Variants in FOXL2NB observed in about 807,000 individuals in gnomAD.
FOXL2NB encodes FOXL2 neighbor, also known as FOXL2 neighbor protein.
In FOXL2NB, 10 loss-of-function variants were observed where a neutral mutation model predicts 7.4. That is an observed-to-expected ratio of 1.34 (90% CI 0.83 to 2.28). The LOEUF (loss-of-function observed/expected upper bound fraction) is 2.28. Ranked by LOEUF, FOXL2NB falls within the 30% of genes most tolerant of loss-of-function variation. The pLI, the probability that FOXL2NB is intolerant of heterozygous loss-of-function variation, is 0.00. For synonymous variants in FOXL2NB, 104 were observed against 105.3 expected, an observed-to-expected ratio of 0.99 and a Z score of 0.08; for missense variants, 228 against 233.9, an observed-to-expected ratio of 0.97 and a Z score of 0.17.
In FOXL2NB at chr3:138,949,897, T is replaced by G; in HGVS notation, c.220+258T>G. The G allele has an allele frequency of 1.4e-6, 1 of 693,940 alleles. No individual in the cohort carries two copies. Among genetic ancestry groups the G allele is most frequent in the South Asian group, 1.5e-5 (1 of 66,758 alleles). 43.0% of individuals were successfully genotyped at this position (693,940 alleles called of 1,614,324 possible). ...GGGATCCTCTCTGAACAGGGCATAC[T>G]GTGCCTAGGTTTTGTGGACGCCAGG... On this transcript the variant is annotated intron_variant, in intron 2 of 2. Coordinates refer to ENST00000383165, the MANE Select transcript of FOXL2NB (RefSeq NM_001040061.3). The surrounding 1 kb of genome is among the most constrained non-coding windows in gnomAD (Gnocchi z 4.5).
At chr3:138,948,080 T>C (rs13064974) in intron 1 of FOXL2NB, 46,871 of 681,452 alleles carry the variant, frequency 0.069, 4,234 homozygotes, top group African/African-American at 0.37. Context: ...TTATGTAATA[T>C]GTTCATCAAG....
intron 2 of FOXL2NB, 30 bp from the exon 3 acceptor site, chr3:138,950,235 C>T (rs750537114): frequency 6.2e-7 from 1 of 1,607,692 alleles, no homozygotes; most frequent in Non-Finnish European, 8.5e-7. Flanking sequence ...GCAATCTACA[C>T]GGCTCTGATA....
chr3:138,950,812 G>A lies in FOXL2NB; in HGVS notation c.*240G>A. The A allele has an allele frequency of 1.8e-6, 1 of 555,064 alleles. No individual in the cohort carries two copies. Among genetic ancestry groups the A allele is most frequent in the Non-Finnish European group, 3.1e-6 (1 of 319,844 alleles). The allele number at this position is 555,064 out of a possible 1,614,324, so 34.4% of individuals were successfully genotyped here. ...TACTAATTCAGATTTTGCACATGTT[G>A]GTGGAAAACATGTCAAGCCAATGTG... is the stretch of plus-strand genomic sequence containing the variant. On this transcript the variant is annotated 3_prime_UTR_variant, in exon 3 of 3. Transcript: ENST00000383165.
In FOXL2NB at chr3:138,953,724, A is replaced by G. The variant is rs1936177415; in HGVS notation, c.*3152A>G. Among the ~76,000 whole-genome samples the G allele has an allele frequency of 6.6e-6, 1 of 151,414 alleles. No homozygotes were observed. The highest frequency in any genetic ancestry group is 2.1e-4 in the South Asian group (1 of 4,770). ...CCAATCAATATTGCCTCAAAAGGGA[A>G]ACCATATTTGGATTTCTATCACCAT... On this transcript the variant is annotated 3_prime_UTR_variant, in exon 3 of 3. Coordinates refer to ENST00000383165, the MANE Select transcript of FOXL2NB (RefSeq NM_001040061.3).
Position 138,947,570 on chromosome 3 carries a change from A to G in FOXL2NB, c.100+106A>G. On this transcript the variant is annotated intron_variant, in intron 1 of 2. Coordinates refer to ENST00000383165, the MANE Select transcript of FOXL2NB (RefSeq NM_001040061.3). The surrounding 1 kb of genome is among the most constrained non-coding windows in gnomAD (Gnocchi z 5.2). Reference sequence around the variant, plus strand: ...AGACGGCGAGGGGGCTGGACGGGGTAGGGTGGGGAGAGCTGCTCTGAGGCT... The same window carrying G: ...AGACGGCGAGGGGGCTGGACGGGGTGGGGTGGGGAGAGCTGCTCTGAGGCT... The G allele has an allele frequency of 7.8e-7, 1 of 1,280,742 alleles. No individual in the cohort carries two copies. 79.3% of individuals were successfully genotyped at this position (1,280,742 alleles called of 1,614,324 possible). A position where few individuals can be genotyped will look rare whatever the true frequency, so the allele number is the denominator to read the frequency against.
In FOXL2NB at chr3:138,949,403, T is replaced by TGC; in HGVS notation, c.101-116_101-115insCG. ...GTGTATGCATGTGCGTGTGTGTGTG[T>TGC]GTGTGTGTGTGTGTAGGGGTTGGGG... is the stretch of plus-strand genomic sequence containing the variant. On this transcript the variant is annotated intron_variant, in intron 1 of 2. Coordinates refer to ENST00000383165, the MANE Select transcript of FOXL2NB (RefSeq NM_001040061.3). This position sits in a 1 kb window ranked among gnomAD's most constrained non-coding sequence, Gnocchi z 4.5. 3 of 1,113,690 alleles carry TGC rather than the reference T, an allele frequency of 2.7e-6. No individual in the cohort carries two copies. Among genetic ancestry groups the TGC allele is most frequent in the South Asian group, 1.5e-5 (1 of 67,724 alleles). 69.0% of individuals were successfully genotyped at this position (1,113,690 alleles called of 1,614,324 possible).
In FOXL2NB at chr3:138,949,438, G is replaced by A; in HGVS notation, c.101-82G>A. The A allele has an allele frequency of 2.0e-6, 3 of 1,510,708 alleles. No homozygotes were observed. The highest frequency in any genetic ancestry group is 2.7e-6 in the Non-Finnish European group (3 of 1,105,206). The allele number at this position is 1,510,708 out of a possible 1,614,324, so 93.6% of individuals were successfully genotyped here. ...TGTGTAGGGGTTGGGGGCAAATGAAGGAGTTCCTCTGAAGGATTTTCAGAA... is the reference window on the plus strand; with the variant it reads ...TGTGTAGGGGTTGGGGGCAAATGAAAGAGTTCCTCTGAAGGATTTTCAGAA... On this transcript the variant is annotated intron_variant, in intron 1 of 2. Coordinates refer to ENST00000383165, the MANE Select transcript of FOXL2NB (RefSeq NM_001040061.3). This position sits in a 1 kb window ranked among gnomAD's most constrained non-coding sequence, Gnocchi z 4.5.
Position 138,949,391 on chromosome 3 carries a change from C to CGTGTGCGTGT in FOXL2NB, c.101-124_101-123insCGTGTGTGTG, listed in dbSNP as rs1553753220. 1 of 718,542 alleles carries CGTGTGCGTGT rather than the reference C, an allele frequency of 1.4e-6. No individual in the cohort carries two copies. Among genetic ancestry groups the CGTGTGCGTGT allele is most frequent in the Non-Finnish European group, 2.2e-6 (1 of 460,072 alleles). 44.5% of individuals were successfully genotyped at this position (718,542 alleles called of 1,614,324 possible). On this transcript the variant is annotated intron_variant, in intron 1 of 2. Transcript: ENST00000383165. The surrounding 1 kb of genome is among the most constrained non-coding windows in gnomAD (Gnocchi z 4.5). Reference sequence around the variant, plus strand: ...AAGAGCCTGTGTGTGTATGCATGTGCGTGTGTGTGTGTGTGTGTGTGTGTG... The same window carrying CGTGTGCGTGT: ...AAGAGCCTGTGTGTGTATGCATGTGCGTGTGCGTGTGTGTGTGTGTGTGTGTGTGTGTGTG...
chr3:138,949,461 G>A lies in FOXL2NB; in HGVS notation c.101-59G>A. The A allele has an allele frequency of 4.4e-6, 7 of 1,604,562 alleles. No homozygotes were observed. The highest frequency in any genetic ancestry group is 6.0e-6 in the Non-Finnish European group (7 of 1,174,598). ...AAGGAGTTCCTCTGAAGGATTTTCA[G>A]AATAGAAAGGAGTTCTGCTCTGAAA... is the stretch of plus-strand genomic sequence containing the variant. On this transcript the variant is annotated intron_variant, in intron 1 of 2. Transcript: ENST00000383165. The surrounding 1 kb of genome is among the most constrained non-coding windows in gnomAD (Gnocchi z 4.5).
rs60838328 is a variant in FOXL2NB, at chr3:138,951,000, A to G, written c.*428A>G. The G allele has an allele frequency of 0.12, 29,014 of 235,360 alleles. 4,327 individuals are homozygous for G. Among genetic ancestry groups the G allele is most frequent in the African/African-American group, 0.4 (16,649 of 41,962 alleles). The allele number at this position is 235,360 out of a possible 1,614,324, so 14.6% of individuals were successfully genotyped here. A position where few individuals can be genotyped will look rare whatever the true frequency, so the allele number is the denominator to read the frequency against. On this transcript the variant is annotated 3_prime_UTR_variant, in exon 3 of 3. Coordinates refer to ENST00000383165, the MANE Select transcript of FOXL2NB (RefSeq NM_001040061.3). ...GGGCTGCCACCTGGGTGTTTTCATG[A>G]TGGGACTGCCGCACAGACCACAGAG...
chr3:138,950,688 G>A lies in FOXL2NB; in HGVS notation c.*116G>A. The A allele has an allele frequency of 9.3e-7, 1 of 1,078,802 alleles. No individual in the cohort carries two copies. The highest frequency in any genetic ancestry group is 1.4e-6 in the Non-Finnish European group (1 of 728,320). 66.8% of individuals were successfully genotyped at this position (1,078,802 alleles called of 1,614,324 possible). ...CTCGGTGTCCCTCCACTCAGGTCAC[G>A]TTACTCCATCCACTTCTCTCTCCTT... On this transcript the variant is annotated 3_prime_UTR_variant, in exon 3 of 3. Coordinates refer to ENST00000383165, the MANE Select transcript of FOXL2NB (RefSeq NM_001040061.3).
In FOXL2NB at chr3:138,947,252, G is replaced by C. The variant is rs1936005447; in HGVS notation, c.-113G>C. ...CCAAGTCACTTTTTGTAAACGCCCCGCACAGCCTGGACCGGCCTGCCCCCG... is the reference window on the plus strand; with the variant it reads ...CCAAGTCACTTTTTGTAAACGCCCCCCACAGCCTGGACCGGCCTGCCCCCG... On this transcript the variant is annotated 5_prime_UTR_variant, in exon 1 of 3. Coordinates refer to ENST00000383165, the MANE Select transcript of FOXL2NB (RefSeq NM_001040061.3). This position sits in a 1 kb window ranked among gnomAD's most constrained non-coding sequence, Gnocchi z 5.2. The C allele has an allele frequency of 2.4e-6, 2 of 829,708 alleles. No individual in the cohort carries two copies. The highest frequency in any genetic ancestry group is 2.9e-5 in the Admixed American group (1 of 34,922). The allele number at this position is 829,708 out of a possible 1,614,324, so 51.4% of individuals were successfully genotyped here.
chr3:138,949,565 T>C lies in FOXL2NB; in HGVS notation c.146T>C (p.Leu49Pro), dbSNP rs1046823841. ...AAGAGGATGCCTGATGCGTGCACCC[T>C]GGGAAGGGCTGGAATCGGTCTCCCC... Reference protein sequence around the residue: ...VKKRMPDACTLGRAGIGLPKM... With the variant: ...VKKRMPDACTPGRAGIGLPKM... The change falls in exon 2 of 3, where the codon CTG becomes CCG. Residue 49 changes from leucine (L) to proline (P), a missense_variant. Leu to Pro is a moderately conservative substitution (Grantham distance 98, BLOSUM62 -3). Transcript: ENST00000383165. This position sits in a 1 kb window ranked among gnomAD's most constrained non-coding sequence, Gnocchi z 4.5. 15 of 1,614,030 alleles carry C rather than the reference T, an allele frequency of 9.3e-6. No homozygotes were observed. Among genetic ancestry groups the C allele is most frequent in the Non-Finnish European group, 1.2e-5 (14 of 1,180,024 alleles).
rs1024654231 is a variant in FOXL2NB at position 138,950,710 on chromosome 3, CCTT to C, written c.*141_*143del. On this transcript the variant is annotated 3_prime_UTR_variant, in exon 3 of 3. Coordinates refer to ENST00000383165, the MANE Select transcript of FOXL2NB (RefSeq NM_001040061.3). Reference sequence around the variant, plus strand: ...CACGTTACTCCATCCACTTCTCTCTCCTTCTCCCTCTGTCAACTCCAAATCCCC... The same window carrying C: ...CACGTTACTCCATCCACTTCTCTCTCCTCCCTCTGTCAACTCCAAATCCCC... 7 of 863,744 alleles carry C rather than the reference CCTT, an allele frequency of 8.1e-6. No homozygotes were observed. The highest frequency in any genetic ancestry group is 3.2e-5 in the South Asian group (2 of 63,310). The allele number at this position is 863,744 out of a possible 1,614,324, so 53.5% of individuals were successfully genotyped here.
Position 138,949,892 on chromosome 3 carries a change from C to A in FOXL2NB, c.220+253C>A. On this transcript the variant is annotated intron_variant, in intron 2 of 2. Transcript: ENST00000383165. The surrounding 1 kb of genome is among the most constrained non-coding windows in gnomAD (Gnocchi z 4.5). ...AGGTCGGGATCCTCTCTGAACAGGG[C>A]ATACTGTGCCTAGGTTTTGTGGACG... 1.4e-6 allele frequency: 1 copy of A among 694,996 alleles called. No individual in the cohort carries two copies. The highest frequency in any genetic ancestry group is 2.6e-6 in the Non-Finnish European group (1 of 382,750). 43.1% of individuals were successfully genotyped at this position (694,996 alleles called of 1,614,324 possible).
At chr3:138,950,151 T>C (rs745930635) in intron 2 of FOXL2NB, 114 bp from the exon 3 acceptor site, 6 of 1,141,840 alleles carry the variant, frequency 5.3e-6, no homozygotes. Context: ...GAACCGCCGA[T>C]TGAGCGCAGT....
At position 138,949,879 on chromosome 3, in the gene FOXL2NB, T is replaced by C; in HGVS notation, c.220+240T>C. 1 of 700,520 alleles carries C rather than the reference T, an allele frequency of 1.4e-6. No homozygotes were observed. Among genetic ancestry groups the C allele is most frequent in the South Asian group, 1.5e-5 (1 of 66,860 alleles). 43.4% of individuals were successfully genotyped at this position (700,520 alleles called of 1,614,324 possible). ...CTGGTTGCTGGCGAGGTCGGGATCC[T>C]CTCTGAACAGGGCATACTGTGCCTA... On this transcript the variant is annotated intron_variant, in intron 2 of 2. Transcript: ENST00000383165. The surrounding 1 kb of genome is among the most constrained non-coding windows in gnomAD (Gnocchi z 4.5).
chr3:138,948,113 G>A (rs1191076218), intron 1 of FOXL2NB: 1 of 401,750 alleles, frequency 2.5e-6, no homozygotes, highest in Non-Finnish European at 3.4e-6. Flanking sequence ...TGTAGCTGGT[G>A]GATATAGCAT....
At position 138,953,689 on chromosome 3, in the gene FOXL2NB, A is replaced by G. The variant is rs1049766175; in HGVS notation, c.*3117A>G. ...TTCTGGCACTTCAGAAGGTTCCTTC[A>G]TATCTTTTTCCAATCAATATTGCCT... On this transcript the variant is annotated 3_prime_UTR_variant, in exon 3 of 3. Transcript: ENST00000383165. Among the ~76,000 whole-genome samples the G allele has an allele frequency of 6.6e-6, 1 of 152,226 alleles. No individual in the cohort carries two copies. The highest frequency in any genetic ancestry group is 2.4e-5 in the African/African-American group (1 of 41,456).
Sources: gnomAD v4.1 joint callset for allele counts (sites outside exome capture counted in the v4.1 genomes callset) on GRCh38, gnomAD v4.1.1 for gene constraint, Gnocchi (gnomAD v3.1) non-coding constraint, MANE v1.5 for transcripts, NCBI Gene and HGNC (gene_info 2026-07-23, HGNC 2026-07-21) for gene names.